The following ABCC4 variants were observed in gnomAD, a reference collection of about 807,000 sequenced individuals.
The protein encoded by ABCC4 is ATP binding cassette subfamily C member 4 (PEL blood group).
In ABCC4, 102 loss-of-function variants were observed where a neutral mutation model predicts 168.5. The ratio of observed to expected loss-of-function variants is 0.61; its 90% CI spans 0.52 to 0.71. ABCC4 has a LOEUF of 0.71. Among genes scored for constraint, ABCC4 ranks in the 30% least tolerant of loss-of-function variants. The pLI is 0.00. For missense variants in ABCC4, 1,402 were observed against 1,605.8 expected (o/e 0.87, Z 2.17); for synonymous variants, 617 against 590.7 (o/e 1.04, Z -0.65).
intron 19 of ABCC4, among the ~76,000 whole-genome samples, chr13:95,156,082 T>C (rs1246242375): frequency 2.6e-5 from 4 of 152,178 alleles, no homozygotes; most frequent in Admixed American, 2.6e-4. Flanking sequence ...GGAATTAAAA[T>C]GCATCCAACC....
intron 1 of ABCC4, among the ~76,000 whole-genome samples, chr13:95,278,039 C>A (rs1368054920): frequency 2.6e-5 from 4 of 152,108 alleles, no homozygotes; most frequent in Non-Finnish European, 4.4e-5. Context: ...CAAGTCTGAC[C>A]CCCTACCCCA....
chr13:95,070,625 C>T (rs947006961), intron 25 of ABCC4, among the ~76,000 whole-genome samples: 2 of 152,110 alleles, frequency 1.3e-5, no homozygotes, highest in East Asian at 1.9e-4. Flanking sequence ...GTCTCTGGTG[C>T]CTTTACTGCC....
intron 21 of ABCC4, among the ~76,000 whole-genome samples, chr13:95,079,175 G>C (rs1018561477): frequency 4.6e-5 from 7 of 152,198 alleles, no homozygotes; most frequent in African/African-American, 1.7e-4. Context: ...TACCGAGGGA[G>C]AGCGTATGTC....
rs548456194 is a variant in ABCC4, at chr13:95,257,838, C to A, written c.75-10085G>T. 1.7e-3 allele frequency among the ~76,000 whole-genome samples: 261 copies of A among 152,232 alleles called. 1 individual carries two copies. The highest frequency in any genetic ancestry group is 6.8e-3 in the Middle Eastern group (2 of 294). On this transcript the variant is annotated intron_variant, in intron 1 of 30. Coordinates refer to ENST00000645237, the MANE Select transcript of ABCC4 (RefSeq NM_005845.5). ...ATTCACACTTCTCAAGGCTAAACAA[C>A]TGATAGAATTTAGTCAGTTATCTTG... is the stretch of plus-strand genomic sequence containing the variant.
intron 1 of ABCC4, among the ~76,000 whole-genome samples, chr13:95,257,411 T>C (rs999824600): frequency 2.6e-5 from 4 of 152,124 alleles, no homozygotes; most frequent in Admixed American, 6.5e-5. Flanking sequence ...CACACGCCTG[T>C]AATCCCAGCA....
chr13:95,291,022 G>T (rs1218647192), intron 1 of ABCC4, among the ~76,000 whole-genome samples: 1 of 78,220 alleles, frequency 1.3e-5, no homozygotes, highest in African/African-American at 3.5e-5. Flanking sequence ...AGGAAACCAT[G>T]CCAAATGACT....
chr13:95,214,448 G>A (rs1209398999), intron 4 of ABCC4, among the ~76,000 whole-genome samples: 2 of 152,030 alleles, frequency 1.3e-5, no homozygotes, highest in Non-Finnish European at 2.9e-5. Flanking sequence ...ATCTTAGCAA[G>A]TTCAATGAAG....
intron 27 of ABCC4, among the ~76,000 whole-genome samples, chr13:95,052,480 T>C (rs906246924): frequency 6.6e-6 from 1 of 152,056 alleles, no homozygotes; most frequent in Non-Finnish European, 1.5e-5. Flanking sequence ...GTGAGAAAAT[T>C]TCAAGAAGTG....
intron 19 of ABCC4, among the ~76,000 whole-genome samples, chr13:95,133,996 C>G (rs2036060791): frequency 6.6e-6 from 1 of 152,144 alleles, no homozygotes; most frequent in Non-Finnish European, 1.5e-5. Flanking sequence ...AAATGCCACC[C>G]CACTGGGTGA....
intron 21 of ABCC4, 71 bp downstream of exon 21, chr13:95,083,069 G>T (rs2034148032): frequency 6.6e-7 from 1 of 1,512,624 alleles, no homozygotes; most frequent in East Asian, 2.3e-5. Flanking sequence ...AATTTCAGGG[G>T]GTCTCTGTAA....
intron 19 of ABCC4, among the ~76,000 whole-genome samples, chr13:95,138,139 C>T (rs572730350): frequency 1.5e-4 from 23 of 152,218 alleles, no homozygotes; most frequent in South Asian, 1.5e-3. Context: ...CACACAAGCA[C>T]GTTACACTTT....
chr13:95,065,392 C>A (rs776484897), intron 25 of ABCC4, among the ~76,000 whole-genome samples: 7 of 152,130 alleles, frequency 4.6e-5, no homozygotes, highest in Non-Finnish European at 7.4e-5. Context: ...CATGTTAATA[C>A]CTTTTCTTTC....
chr13:95,140,135 A>C (rs1336032275), intron 19 of ABCC4, among the ~76,000 whole-genome samples: 3 of 152,156 alleles, frequency 2.0e-5, no homozygotes, highest in African/African-American at 4.8e-5. Context: ...GATGTCAACC[A>C]CTGAAAACCT....
intron 20 of ABCC4, among the ~76,000 whole-genome samples, chr13:95,114,257 T>C (rs1297154987): frequency 6.6e-6 from 1 of 152,154 alleles, no homozygotes; most frequent in Non-Finnish European, 1.5e-5. Flanking sequence ...TGTTTTATAT[T>C]GACATCAAGT....
chr13:95,106,158 A>G (rs191206240), intron 20 of ABCC4, among the ~76,000 whole-genome samples: 129 of 152,130 alleles, frequency 8.5e-4, no homozygotes, highest in African/African-American at 2.8e-3. Context: ...TCCATACACA[A>G]GTTTACAAGG....
At chr13:95,118,419 T>A (rs192747384) in intron 19 of ABCC4, among the ~76,000 whole-genome samples, 1 of 152,206 alleles carries the variant, frequency 6.6e-6, no homozygotes, top group Non-Finnish European at 1.5e-5. Context: ...AATTTCTGTA[T>A]TTTTAGTAGA....
intron 11 of ABCC4, among the ~76,000 whole-genome samples, chr13:95,180,270 G>A (rs1285121304): frequency 6.6e-6 from 1 of 152,040 alleles, no homozygotes; most frequent in Admixed American, 6.5e-5. Flanking sequence ...AAAAGACAAC[G>A]CGGCCAGGCA....
intron 27 of ABCC4, among the ~76,000 whole-genome samples, chr13:95,047,805 A>G (rs1023506466): frequency 1.3e-5 from 2 of 152,160 alleles, no homozygotes; most frequent in African/African-American, 4.8e-5. Context: ...TAATGCAGTC[A>G]GCTAGTTCTT....
At chr13:95,235,955 C>G (rs182609396) in intron 3 of ABCC4, among the ~76,000 whole-genome samples, 7 of 152,296 alleles carry the variant, frequency 4.6e-5, no homozygotes, top group Admixed American at 3.9e-4. Flanking sequence ...ATCATCTTTT[C>G]CCCAAGGCAA....
Sources: gnomAD v4.1 joint callset for allele counts (sites outside exome capture counted in the v4.1 genomes callset) on GRCh38, gnomAD v4.1.1 for gene constraint, MANE v1.5 for transcripts, NCBI Gene and HGNC (gene_info 2026-07-23, HGNC 2026-07-21) for gene names.